UBE2D2: variants seen among roughly 807,000 people sequenced by gnomAD.
The protein encoded by UBE2D2 is ubiquitin conjugating enzyme E2 D2.
Under a neutral mutation model 24.2 loss-of-function variants are expected in UBE2D2, and 2 were observed. The ratio of observed to expected loss-of-function variants is 0.08; its 90% confidence interval spans 0.03 to 0.26. UBE2D2 has a LOEUF of 0.26. UBE2D2 is among the 10% of genes least tolerant of loss of function. The probability of loss-of-function intolerance (pLI) is 1.00; values close to 1 mark genes in which losing one functional copy is unlikely to be tolerated. For missense variants in UBE2D2, 44 were observed against 177.6 expected (o/e 0.25, Z 4.28); for synonymous variants, 58 against 56.5 (o/e 1.03, Z -0.12).
chr5:139,576,440 A>G (rs1055857036), intron 1 of UBE2D2, among the ~76,000 whole-genome samples: 3 of 151,316 alleles, frequency 2.0e-5, no homozygotes, highest in South Asian at 2.1e-4. Flanking sequence ...TGTGTCTTAT[A>G]TGGCCACTTG....
intron 1 of UBE2D2, among the ~76,000 whole-genome samples, chr5:139,588,270 G>GTTTT (rs111762691): frequency 6.7e-6 from 1 of 149,714 alleles, no homozygotes; most frequent in African/African-American, 2.5e-5. Flanking sequence ...GTTTTGTTTT[G>GTTTT]TTTTGTTTTG....
At chr5:139,598,969 C>G (rs1162044061) in intron 1 of UBE2D2, among the ~76,000 whole-genome samples, 1 of 121,690 alleles carries the variant, frequency 8.2e-6, no homozygotes, top group Non-Finnish European at 1.6e-5. Context: ...GTTCTGTTGT[C>G]CCAGGCTGGA....
chr5:139,547,618 T>C (rs1462471786), intron 1 of UBE2D2, among the ~76,000 whole-genome samples: 1 of 151,986 alleles, frequency 6.6e-6, no homozygotes, highest in Non-Finnish European at 1.5e-5. Context: ...CAAGCAGTTC[T>C]CTACCTCAGC....
intron 1 of UBE2D2, among the ~76,000 whole-genome samples, chr5:139,563,837 A>G (rs960043206): frequency 1.3e-5 from 2 of 152,108 alleles, no homozygotes; most frequent in Non-Finnish European, 2.9e-5. Context: ...CTGGAGGCTG[A>G]GGCAGGAGAA....
chr5:139,547,253 T>G (rs1379325738), intron 1 of UBE2D2, among the ~76,000 whole-genome samples: 5 of 151,754 alleles, frequency 3.3e-5, no homozygotes, highest in Non-Finnish European at 7.4e-5. Flanking sequence ...ATCGCACCAC[T>G]GCACTCCAGC....
intron 2 of UBE2D2, among the ~76,000 whole-genome samples, chr5:139,606,171 TG>T (rs1258191217): frequency 6.6e-6 from 1 of 152,056 alleles, no homozygotes; most frequent in African/African-American, 2.4e-5. Flanking sequence ...TTTGTTTGTT[TG>T]TTTTTTTGAG....
intron 2 of UBE2D2, among the ~76,000 whole-genome samples, chr5:139,602,244 G>A (rs1754094636): frequency 1.3e-5 from 2 of 152,184 alleles, no homozygotes; most frequent in South Asian, 2.1e-4. Flanking sequence ...TAGAGACGGG[G>A]TTTCGCCATG....
chr5:139,626,189 C>G (rs527719472), intron 6 of UBE2D2, among the ~76,000 whole-genome samples: 1 of 152,150 alleles, frequency 6.6e-6, no homozygotes, highest in East Asian at 1.9e-4. Context: ...CCACCTCAGC[C>G]TCCTGAGTAG....
intron 1 of UBE2D2, among the ~76,000 whole-genome samples, chr5:139,587,672 CAAAAAAA>C (rs766266617): frequency 5.6e-5 from 2 of 35,558 alleles, no homozygotes; most frequent in Non-Finnish European, 5.4e-5. Context: ...GACCCCATCT[CAAAAAAA>C]AAAAAAAAAA....
intron 2 of UBE2D2, among the ~76,000 whole-genome samples, chr5:139,610,354 A>G (rs1489417396): frequency 1.3e-5 from 2 of 151,236 alleles, no homozygotes; most frequent in Admixed American, 1.3e-4. Flanking sequence ...CAGCCTGTCC[A>G]ACATAGTGAA....
At chr5:139,617,804 A>C (rs976314226) in intron 5 of UBE2D2, among the ~76,000 whole-genome samples, 33 of 152,204 alleles carry the variant, frequency 2.2e-4, no homozygotes, top group Middle Eastern at 3.4e-3. Flanking sequence ...ACAATAATAC[A>C]TATTTCATTG....
chr5:139,610,116 C>G (rs567200519), intron 2 of UBE2D2, among the ~76,000 whole-genome samples: 1 of 152,016 alleles, frequency 6.6e-6, no homozygotes, highest in South Asian at 2.1e-4. Context: ...TAATAGCAAA[C>G]TCAAAGGAAC....
chr5:139,593,549 AAC>A (rs945186025), intron 1 of UBE2D2, among the ~76,000 whole-genome samples: 32 of 152,256 alleles, frequency 2.1e-4, no homozygotes, highest in African/African-American at 6.3e-4. Context: ...TGTTATATAT[AAC>A]ACACAAATAG....
At chr5:139,550,709 T>C (rs1752903962) in intron 1 of UBE2D2, among the ~76,000 whole-genome samples, 1 of 147,428 alleles carries the variant, frequency 6.8e-6, no homozygotes, top group Non-Finnish European at 1.5e-5. Context: ...CATGAACCCA[T>C]GGGAGGAATG....
chr5:139,599,120 G>T (rs919078476), intron 1 of UBE2D2, among the ~76,000 whole-genome samples: 2 of 151,332 alleles, frequency 1.3e-5, no homozygotes, highest in African/African-American at 4.9e-5. Context: ...AGTAGAAATG[G>T]GGTTTTACCA....
chr5:139,621,390 T>C (rs1754511539), intron 5 of UBE2D2, among the ~76,000 whole-genome samples: 1 of 152,268 alleles, frequency 6.6e-6, no homozygotes, highest in African/African-American at 2.4e-5. Flanking sequence ...AAATTGTCAC[T>C]GAAGAGAATT....
chr5:139,552,207 G>C (rs1581486667), intron 1 of UBE2D2, among the ~76,000 whole-genome samples: 1 of 148,070 alleles, frequency 6.8e-6, no homozygotes, highest in East Asian at 2.0e-4. Flanking sequence ...CTGTTGCCCA[G>C]ACTGGAGTAT....
chr5:139,625,680 C>A (rs1055695434), intron 6 of UBE2D2, among the ~76,000 whole-genome samples: 1 of 151,934 alleles, frequency 6.6e-6, no homozygotes, highest in African/African-American at 2.4e-5. Context: ...TCTTGGCTCA[C>A]TGCAGCCTCT....
chr5:139,532,178 T>G (rs2126626873), intron 1 of UBE2D2, among the ~76,000 whole-genome samples: 1 of 150,580 alleles, frequency 6.6e-6, no homozygotes, highest in South Asian at 2.2e-4. Context: ...TTCTACTTTT[T>G]TTTTTTTTTT....
Sources: allele counts gnomAD v4.1 joint callset (sites outside exome capture counted in the v4.1 genomes callset), GRCh38; gene constraint gnomAD v4.1.1; transcripts MANE v1.5; gene names NCBI Gene and HGNC (gene_info 2026-07-23, HGNC 2026-07-21).